Variants in TEX13C observed in about 807,000 individuals in gnomAD.
TEX13C encodes the protein TEX13 family member C, also known as testis-expressed protein 13C.
For synonymous variants in TEX13C, 219 were observed against 116.6 expected (o/e 1.88, Z -5.65); for missense variants, 480 against 298.7 (o/e 1.61, Z -4.47).
At chrX:125,322,214 C>T (rs1305021035) in exon 1 of TEX13C, 1 of 503,943 alleles carries the variant, frequency 2.0e-6, no homozygotes, top group Non-Finnish European at 3.5e-6. Flanking sequence ...GCCAGTGATG[C>T]CCAAGGAGAT....
At chrX:125,323,114 C>T (rs1162610378) in exon 1 of TEX13C, 1 of 482,555 alleles carries the variant, frequency 2.1e-6, no homozygotes, top group Non-Finnish European at 3.7e-6. Context: ...TCATTGATTT[C>T]AGGAAGGTAA....
At chrX:125,324,714 G>A (rs1031288790) in exon 1 of TEX13C, 1 of 112,589 alleles carries the variant, frequency 8.9e-6, no homozygotes, top group African/African-American at 3.2e-5. Context: ...GAGAAGGATA[G>A]CTATTTTCCT....
exon 1 of TEX13C, chrX:125,322,475 C>A (rs1215722468): frequency 2.0e-6 from 1 of 510,211 alleles, no homozygotes; most frequent in Admixed American, 2.7e-5. Context: ...GGGCACAGCT[C>A]CCCTGACGTT....
exon 1 of TEX13C, chrX:125,320,534 C>T (rs1006905046): frequency 1.9e-5 from 10 of 514,822 alleles, no homozygotes; most frequent in Non-Finnish European, 3.1e-5. Context: ...GCTGAATGAG[C>T]GTGATGGGTT....
At chrX:125,320,132 T>G in exon 1 of TEX13C, 1 of 483,696 alleles carries the variant, frequency 2.1e-6, no homozygotes, top group Non-Finnish European at 3.7e-6. Flanking sequence ...GGCGATGAAC[T>G]TTGGGGACCA....
exon 1 of TEX13C, chrX:125,320,122 G>C (rs1388605877): frequency 8.5e-6 from 4 of 473,026 alleles, no homozygotes; most frequent in Non-Finnish European, 1.5e-5. Context: ...CAGCCGCCAT[G>C]GCGATGAACT....
chrX:125,324,980 A>AC (rs1474234787), exon 1 of TEX13C: 1 of 111,377 alleles, frequency 9.0e-6, no homozygotes, highest in Non-Finnish European at 1.9e-5. Context: ...TTTTGGGAAT[A>AC]CCCCAGGACC....
exon 1 of TEX13C, chrX:125,322,320 T>C (rs1441139959): frequency 1.3e-5 from 6 of 457,620 alleles, no homozygotes; most frequent in Non-Finnish European, 2.3e-5. Context: ...AGACACAGCC[T>C]GAAGAAAGTG....
chrX:125,323,456 G>T, exon 1 of TEX13C: 1 of 127,114 alleles, frequency 7.9e-6, no homozygotes, highest in Non-Finnish European at 1.6e-5. Context: ...ATACTAATTG[G>T]TTGACACCCT....
At chrX:125,324,405 TG>T (rs1177175521) in exon 1 of TEX13C, 3 of 108,805 alleles carry the variant, frequency 2.8e-5, no homozygotes, top group African/African-American at 1.1e-4. Flanking sequence ...GTTTTGTTTT[TG>T]TTTTTTTTAA....
At chrX:125,320,515 G>A (rs2018826056) in exon 1 of TEX13C, 1 of 516,010 alleles carries the variant, frequency 1.9e-6, no homozygotes. Context: ...AGGCCGCCCT[G>A]CAGCAGGTGC....
chrX:125,322,793 C>T (rs1459482845), exon 1 of TEX13C: 1 of 515,431 alleles, frequency 1.9e-6, no homozygotes, highest in South Asian at 2.5e-5. Context: ...CACAGCCTCA[C>T]TGAGGTTTAG....
At chrX:125,322,214 C>A (rs1305021035) in exon 1 of TEX13C, 2 of 503,943 alleles carry the variant, frequency 4.0e-6, no homozygotes, top group Non-Finnish European at 7.0e-6. Flanking sequence ...GCCAGTGATG[C>A]CCAAGGAGAT....
exon 1 of TEX13C, chrX:125,321,500 C>T (rs748603617): frequency 3.5e-5 from 18 of 510,294 alleles, no homozygotes; most frequent in Non-Finnish European, 6.0e-5. Context: ...CAGCAACAGC[C>T]ATAGCCTGAA....
At position 125,321,855 on chromosome X, in the gene TEX13C, TC is replaced by T. The variant is rs1188818128; in HGVS notation, c.1741del (p.Leu581TrpfsTer9). On this transcript the variant is annotated frameshift_variant, in exon 1 of 1. Transcript: ENST00000632600. LOFTEE classifies it low-confidence loss of function (END_TRUNC). Reference sequence around the variant, plus strand: ...GATCCAGTGATGCCCCAGAACATGATCCCCCTGGAGGACAGCAACAGCCACA... The same window carrying T: ...GATCCAGTGATGCCCCAGAACATGATCCCCTGGAGGACAGCAACAGCCACA... 2.0e-6 allele frequency: 1 copy of T among 496,519 alleles called. No homozygotes were observed. The highest frequency in any genetic ancestry group is 3.6e-6 in the Non-Finnish European group (1 of 281,104). 40.9% of individuals were successfully genotyped at this position (496,519 alleles called of 1,213,427 possible).
exon 1 of TEX13C, chrX:125,323,347 ATAAAGAGAGACTACTTC>A (rs1268040762): frequency 1.5e-5 from 4 of 258,253 alleles, no homozygotes; most frequent in Non-Finnish European, 2.7e-5. Context: ...ATTTATTTGA[ATAAAGAGAGACTACTTC>A]TGAGTATAAC....
exon 1 of TEX13C, chrX:125,322,691 C>A (rs1271183082): frequency 5.9e-6 from 3 of 512,650 alleles, no homozygotes; most frequent in Admixed American, 2.7e-5. Flanking sequence ...CAGTCACAGC[C>A]TGAAGAAAGA....
At chrX:125,320,625 G>A (rs2018827323) in exon 1 of TEX13C, 1 of 515,808 alleles carries the variant, frequency 1.9e-6, no homozygotes, top group Admixed American at 2.6e-5. Context: ...CCAGAAGCCG[G>A]CCAGTATGGG....
In TEX13C at chrX:125,322,845, TA is replaced by T. The variant is rs757624652; in HGVS notation, c.2728del (p.Thr910ProfsTer11). 7.8e-6 allele frequency: 4 copies of T among 514,643 alleles called. No individual in the cohort carries two copies. In the South Asian group the frequency reaches 9.8e-5, roughly 13 times the overall value. 42.4% of individuals were successfully genotyped at this position (514,643 alleles called of 1,213,427 possible). On this transcript the variant is annotated frameshift_variant, in exon 1 of 1. Transcript: ENST00000632600. LOFTEE classifies it low-confidence loss of function (END_TRUNC). ...AAGGAAGATCAGGAGAGGCCCCAGG[TA>T]ACCCCTCTGGAGGATAGCAAGAGCC... is the stretch of plus-strand genomic sequence containing the variant.
Sources: allele counts gnomAD v4.1 joint callset, GRCh38; gene constraint gnomAD v4.1.1; transcripts MANE v1.5; gene names NCBI Gene and HGNC (gene_info 2026-07-23, HGNC 2026-07-21).